COL17A1: variants seen among roughly 807,000 people sequenced by gnomAD.
The protein encoded by COL17A1 is collagen type XVII alpha 1 chain.
Under a neutral mutation model 218.4 loss-of-function variants are expected in COL17A1, and 181 were observed. The ratio of observed to expected loss-of-function variants is 0.83; its 90% CI spans 0.73 to 0.94. The LOEUF is 0.94. Ranked by LOEUF, COL17A1 falls within the 40% of genes least tolerant of loss-of-function variation. The pLI is 0.00. For missense variants in COL17A1, 1,924 were observed against 1,945.9 expected, an observed-to-expected ratio of 0.99 and a Z score of 0.21; for synonymous variants, 721 against 731.0, an observed-to-expected ratio of 0.99 and a Z score of 0.22.
chr10:104,048,068 C>A lies in COL17A1; in HGVS notation c.2263+1G>T. On this transcript the variant is annotated splice_donor_variant, in intron 30 of 55. Coordinates refer to ENST00000648076, the MANE Select transcript of COL17A1 (RefSeq NM_000494.4). LOFTEE classifies it high-confidence loss of function. ...CTGGGGGCAGCAGATGAGTGACCAACCTCTTGGGCCTTGGTGTCCGTCTGG... is the reference window on the plus strand; with the variant it reads ...CTGGGGGCAGCAGATGAGTGACCAAACTCTTGGGCCTTGGTGTCCGTCTGG... 6.2e-7 allele frequency: 1 copy of A among 1,614,170 alleles called. No individual in the cohort carries two copies. Among genetic ancestry groups the A allele is most frequent in the Non-Finnish European group, 8.5e-7 (1 of 1,180,030 alleles).
intron 46 of COL17A1, 108 bp from the exon 47 acceptor site, chr10:104,037,221 A>G: frequency 1.0e-6 from 1 of 961,222 alleles, no homozygotes; most frequent in Non-Finnish European, 1.6e-6. Context: ...TCTTTGGGGG[A>G]AGTGGATGAA....
chr10:104,035,419 A>G, intron 49 of COL17A1, 46 bp from the exon 50 acceptor site: 1 of 1,613,406 alleles, frequency 6.2e-7, no homozygotes, highest in Non-Finnish European at 8.5e-7. Flanking sequence ...GCCTGGGCCA[A>G]GGGACTCTGC....
chr10:104,050,168 C>T, intron 27 of COL17A1, 44 bp from the exon 28 acceptor site: 3 of 1,613,278 alleles, frequency 1.9e-6, no homozygotes, highest in Non-Finnish European at 2.5e-6. Context: ...CAGTTGTGAG[C>T]AAGGAAAACA....
intron 38 of COL17A1, 27 bp from the exon 39 acceptor site, chr10:104,041,145 T>C (rs770463230): frequency 6.2e-6 from 10 of 1,610,068 alleles, no homozygotes; most frequent in East Asian, 2.2e-5. Context: ...CCAAGACTTA[T>C]TAGTGCCAAG....
Position 104,055,353 on chromosome 10 carries a change from G to T in COL17A1, c.1717+19C>A. On this transcript the variant is annotated intron_variant, in intron 19 of 55. Transcript: ENST00000648076. ...CTGCAGGAAATGAATCAGAGACAAG[G>T]TTCAATCCATGGCAATACCTTTAGG... is the stretch of plus-strand genomic sequence containing the variant. The T allele has an allele frequency of 6.2e-7, 1 of 1,611,830 alleles. No individual in the cohort carries two copies. The highest frequency in any genetic ancestry group is 8.5e-7 in the Non-Finnish European group (1 of 1,178,892).
intron 6 of COL17A1, chr10:104,073,949 A>T: frequency 1.9e-6 from 1 of 539,650 alleles, no homozygotes; most frequent in South Asian, 2.0e-5. Flanking sequence ...TATATAGCTT[A>T]CCATTTCTAT....
chr10:104,083,163 G>A (rs995547721), intron 1 of COL17A1, among the ~76,000 whole-genome samples: 1 of 152,206 alleles, frequency 6.6e-6, no homozygotes, highest in African/African-American at 2.4e-5. Flanking sequence ...CCTGGACTAG[G>A]ATCTTCCCAT....
chr10:104,044,231 G>A (rs190778806), intron 33 of COL17A1, among the ~76,000 whole-genome samples: 88 of 152,346 alleles, frequency 5.8e-4, no homozygotes, highest in Admixed American at 4.6e-4. Context: ...AAAGGACAGA[G>A]GCGATGAGCC....
rs879774047 is a variant in COL17A1 at position 104,051,462 on chromosome 10, C to T, written c.2038+19G>A. 1 of 1,614,030 alleles carries T rather than the reference C, an allele frequency of 6.2e-7. No individual in the cohort carries two copies. The highest frequency in any genetic ancestry group is 8.5e-7 in the Non-Finnish European group (1 of 1,180,000). On this transcript the variant is annotated intron_variant, in intron 25 of 55. Transcript: ENST00000648076. ...TTGCCCTGGAAACAGAACCTATTTACAAGAAGCAGCAAACTGACCTGGAGG... is the reference window on the plus strand; with the variant it reads ...TTGCCCTGGAAACAGAACCTATTTATAAGAAGCAGCAAACTGACCTGGAGG...
intron 39 of COL17A1, among the ~76,000 whole-genome samples, chr10:104,040,740 C>T (rs775682768): frequency 2.6e-5 from 4 of 152,094 alleles, no homozygotes; most frequent in Non-Finnish European, 5.9e-5. Context: ...GTTGTACGGT[C>T]GGCACTTACT....
Position 104,032,895 on chromosome 10 carries a change from C to T in COL17A1, c.4357+11G>A, listed in dbSNP as rs1036732018. 11 of 1,614,016 alleles carry T rather than the reference C, an allele frequency of 6.8e-6. No individual in the cohort carries two copies. The Admixed American group carries it at 1.0e-4, about 15-fold the overall frequency. ...ACAGGATCCAGGGACTGGCTCTCTG[C>T]CACCACTTACCTTTGGGTCCTGGAG... On this transcript the variant is annotated intron_variant, in intron 54 of 55. Transcript: ENST00000648076.
In COL17A1 at chr10:104,040,984, G is replaced by T; in HGVS notation, c.2701+81C>A. On this transcript the variant is annotated intron_variant, in intron 39 of 55. Transcript: ENST00000648076. The stretch of plus-strand genomic sequence containing the variant: ...GCAGGAAGCCTGGTGAGTAGGTTGT[G>T]ACCACAAGGCTACGGCCACAGTCTG... 3 of 1,497,410 alleles carry T rather than the reference G, an allele frequency of 2.0e-6. No individual in the cohort carries two copies. The South Asian group carries it at 3.4e-5, about 17-fold the overall frequency. The allele number at this position is 1,497,410 out of a possible 1,614,324, so 92.8% of individuals were successfully genotyped here.
chr10:104,040,383 G>T lies in COL17A1; in HGVS notation c.2729C>A (p.Pro910Gln). The stretch of plus-strand genomic sequence containing the variant: ...TCCCTTGGGACCTGGGGGGCCAGGT[G>T]GGCCTGGGGGGCCGGAGAGGAAGGT... ...SETFLSGPPG[P>Q]PGPPGPKGDQ... is the part of the protein sequence containing the mutation. Residue 910 changes from proline to glutamine, a missense_variant, in exon 40 of 56, where the codon CCA becomes CAA. By Grantham distance (76) the Pro-to-Gln change is moderately conservative. Transcript: ENST00000648076. 2 of 1,611,276 alleles carry T rather than the reference G, an allele frequency of 1.2e-6. No homozygotes were observed. Among genetic ancestry groups the T allele is most frequent in the Non-Finnish European group, 1.7e-6 (2 of 1,177,452 alleles).
intron 55 of COL17A1, 80 bp downstream of exon 55, chr10:104,032,594 A>T: frequency 6.9e-7 from 1 of 1,452,200 alleles, no homozygotes; most frequent in Non-Finnish European, 9.6e-7. Flanking sequence ...CTTGCTCTGG[A>T]ACAAATCACC....
In COL17A1 at chr10:104,077,406, A is replaced by C. The variant is rs2086719930; in HGVS notation, c.202+16T>G. Reference sequence around the variant, plus strand: ...CACCCATTCTTCCCTGACCTCTTGCACTAGTGGGCACTCACTTGAGTTTAT... The same window carrying C: ...CACCCATTCTTCCCTGACCTCTTGCCCTAGTGGGCACTCACTTGAGTTTAT... On this transcript the variant is annotated intron_variant, in intron 4 of 55. Transcript: ENST00000648076. 5.6e-6 allele frequency: 9 copies of C among 1,599,374 alleles called. No homozygotes were observed. Among genetic ancestry groups the C allele is most frequent in the Non-Finnish European group, 7.7e-6 (9 of 1,169,242 alleles).
chr10:104,037,688 GCCT>G lies in COL17A1; in HGVS notation c.3153_3155del (p.Gly1052del), dbSNP rs1212397548. The G allele has an allele frequency of 1.9e-6, 3 of 1,614,038 alleles. No homozygotes were observed. The African/African-American group carries it at 4.0e-5, about 22-fold the overall frequency. On this transcript the variant is annotated inframe_deletion, in exon 46 of 56. Coordinates refer to ENST00000648076, the MANE Select transcript of COL17A1 (RefSeq NM_000494.4). The stretch of plus-strand genomic sequence containing the variant: ...CCAGCTCTGAGTAGTCGAAAGTCTC[GCCT>G]GTGATGGTGGTGACAGGTCCTGGGG...
chr10:104,050,222 C>A, intron 27 of COL17A1, 98 bp from the exon 28 acceptor site: 3 of 1,554,526 alleles, frequency 1.9e-6, no homozygotes, highest in Non-Finnish European at 8.8e-7. Context: ...GTAGTTCTCA[C>A]TGTATCCGTG....
chr10:104,072,263 C>T (rs570134581), intron 7 of COL17A1, among the ~76,000 whole-genome samples, 184 bp from the exon 8 acceptor site: 2 of 152,296 alleles, frequency 1.3e-5, no homozygotes, highest in Non-Finnish European at 2.9e-5. Context: ...CTACCTCCAA[C>T]AATTCCCCAT....
At chr10:104,032,569 C>G in intron 55 of COL17A1, 105 bp downstream of exon 55, 1 of 1,244,624 alleles carries the variant, frequency 8.0e-7, no homozygotes, top group East Asian at 2.3e-5. Context: ...TTGGCATTTG[C>G]CTGAATTTCT....
Sources: allele counts gnomAD v4.1 joint callset (sites outside exome capture counted in the v4.1 genomes callset), GRCh38; gene constraint gnomAD v4.1.1; transcripts MANE v1.5; gene names NCBI Gene and HGNC (gene_info 2026-07-23, HGNC 2026-07-21).